NAV1: variants seen among roughly 807,000 people sequenced by gnomAD.
The protein encoded by NAV1 is pore membrane and/or filament interacting like protein 3.
Under a neutral mutation model 175.2 loss-of-function variants are expected in NAV1, and 18 were observed. The ratio of observed to expected loss-of-function variants is 0.10; its 90% CI spans 0.07 to 0.15. The LOEUF (loss-of-function observed/expected upper bound fraction) is 0.15. Among genes scored for constraint, NAV1 ranks in the 10% least tolerant of loss-of-function variants. The probability of loss-of-function intolerance (pLI) is 1.00; values close to 1 mark genes in which losing one functional copy is unlikely to be tolerated. For synonymous variants in NAV1, 897 were observed against 978.7 expected (o/e 0.92, Z 1.56); for missense variants, 1,731 against 2,436.6 (o/e 0.71, Z 6.10).
intron 15 of NAV1, among the ~76,000 whole-genome samples, chr1:201,799,316 T>C (rs2102773501): frequency 6.6e-6 from 1 of 152,320 alleles, no homozygotes; most frequent in East Asian, 1.9e-4. Flanking sequence ...AATGAATGAA[T>C]TGTGCTTTTT....
intron 2 of NAV1, among the ~76,000 whole-genome samples, chr1:201,636,459 A>G (rs962277965): frequency 6.6e-6 from 1 of 152,022 alleles, no homozygotes; most frequent in African/African-American, 2.4e-5. Context: ...GCTGAGAATT[A>G]CCCCAGCCAC....
intron 1 of NAV1, among the ~76,000 whole-genome samples, chr1:201,654,909 G>A (rs1178161871): frequency 1.3e-5 from 2 of 152,166 alleles, no homozygotes; most frequent in African/African-American, 4.8e-5. Context: ...CTTTGATTCT[G>A]TCTTCTGAGA....
chr1:201,703,884 C>T (rs1047683062), intron 1 of NAV1, among the ~76,000 whole-genome samples: 20 of 152,238 alleles, frequency 1.3e-4, no homozygotes, highest in Admixed American at 1.2e-3. Context: ...CCCAGCTCAT[C>T]AGGCAGCTCC....
chr1:201,616,589 G>A (rs1180212754), intron 2 of NAV1, among the ~76,000 whole-genome samples: 3 of 152,104 alleles, frequency 2.0e-5, no homozygotes, highest in Admixed American at 1.3e-4. Flanking sequence ...CCAGGTTCAA[G>A]CGATTCTCCT....
chr1:201,639,783 A>G (rs779969513), intron 2 of NAV1, among the ~76,000 whole-genome samples: 9 of 152,020 alleles, frequency 5.9e-5, no homozygotes, highest in Non-Finnish European at 1.0e-4. Context: ...CCCCGTCCCC[A>G]TCCCAGCTTG....
At chr1:201,743,526 G>T (rs1673566978) in intron 3 of NAV1, among the ~76,000 whole-genome samples, 1 of 152,174 alleles carries the variant, frequency 6.6e-6, no homozygotes, top group Non-Finnish European at 1.5e-5. Flanking sequence ...ACCTTACTGG[G>T]ATGTAATGAC....
intron 17 of NAV1, 74 bp downstream of exon 21, chr1:201,804,571 C>T (rs1678156854): frequency 1.8e-6 from 2 of 1,086,920 alleles, no homozygotes; most frequent in Admixed American, 2.9e-5. Flanking sequence ...AGAGCAACTC[C>T]CTTCCCCTAA....
chr1:201,633,517 G>T (rs1043797210), intron 2 of NAV1, among the ~76,000 whole-genome samples: 1 of 152,094 alleles, frequency 6.6e-6, no homozygotes, highest in African/African-American at 2.4e-5. Context: ...TCACTCAGTC[G>T]CACACTGTCC....
chr1:201,588,991 G>A (rs1160386906), intron 2 of NAV1, among the ~76,000 whole-genome samples: 1 of 151,966 alleles, frequency 6.6e-6, no homozygotes, highest in Non-Finnish European at 1.5e-5. Flanking sequence ...GGGACTACAG[G>A]CACACACCAC....
intron 3 of NAV1, among the ~76,000 whole-genome samples, chr1:201,735,092 G>A (rs890336600): frequency 6.6e-6 from 1 of 152,120 alleles, no homozygotes; most frequent in African/African-American, 2.4e-5. Context: ...TTAGGGCTGA[G>A]CTCTGGAACA....
chr1:201,638,026 T>C lies in NAV1; in HGVS notation c.4+8519T>C, dbSNP rs182539163. On this transcript the variant is annotated intron_variant, in intron 2 of 29. Transcript: ENST00000367302. ...GATCTGATTTTAAATGAGTACAGTT[T>C]CAGACAGAGTACCCTAGATTAGGTG... 1.2e-4 allele frequency among the ~76,000 whole-genome samples: 19 copies of C among 152,298 alleles called. No homozygotes were observed. The East Asian group carries it at 3.3e-3, about 26-fold the overall frequency.
At chr1:201,612,444 G>A (rs753970521) in intron 2 of NAV1, among the ~76,000 whole-genome samples, 6 of 152,210 alleles carry the variant, frequency 3.9e-5, no homozygotes, top group South Asian at 2.1e-4. Flanking sequence ...ACAGAGCTGC[G>A]ACTCTGTCTC....
intron 3 of NAV1, among the ~76,000 whole-genome samples, chr1:201,734,446 AGAAGAGGAGGAGGAGGAGGAG>A (rs1245920713): frequency 7.9e-6 from 1 of 126,024 alleles, no homozygotes; most frequent in Non-Finnish European, 1.8e-5. Flanking sequence ...AAGAAGAAGA[AGAAGAGGAGGAGGAGGAGGAG>A]GAAGAGGAGG....
chr1:201,610,812 G>A (rs1475741684), intron 2 of NAV1, among the ~76,000 whole-genome samples: 2 of 152,148 alleles, frequency 1.3e-5, no homozygotes, highest in African/African-American at 2.4e-5. Flanking sequence ...GAAGCTTAAC[G>A]ATCTGATCTT....
Position 201,812,517 on chromosome 1 carries a change from T to C in NAV1, c.5077T>C (p.Tyr1693His). The stretch of plus-strand genomic sequence containing the variant: ...GCCAGCCAATGGCTTCCTGGTTCGT[T>C]ACCTGAGGAGGAAGCTGGTAGAGTC... The change falls in exon 27 of 30, where the codon TAC becomes CAC. Residue 1693 changes from tyrosine (Y) to histidine (H), a missense_variant. Tyr to His is a moderately conservative substitution (Grantham distance 83, BLOSUM62 2). This residue lies in a region of NAV1 where 115 missense variants were observed against 269.4 expected (regional missense o/e 0.43). Transcript: ENST00000367296. This position sits in a 1 kb window ranked among gnomAD's most constrained non-coding sequence, Gnocchi z 4.6. 1 of 1,614,172 alleles carries C rather than the reference T, an allele frequency of 6.2e-7. No homozygotes were observed. Among genetic ancestry groups the C allele is most frequent in the Non-Finnish European group, 8.5e-7 (1 of 1,180,020 alleles).
In NAV1 at chr1:201,652,299, A is replaced by C. The variant is rs1669233568; in HGVS notation, c.757+2874A>C. Among the ~76,000 whole-genome samples the C allele has an allele frequency of 2.6e-5, 4 of 151,830 alleles. No individual in the cohort carries two copies. The South Asian group carries it at 8.3e-4, about 32-fold the overall frequency. On this transcript the variant is annotated intron_variant, in intron 1 of 29. Transcript: ENST00000367296. ...CAGCTTCAAGTCAGAGCCTTTCTGT[A>C]ATAAGAGGGAAGGACTGAAACCTGA... is the stretch of plus-strand genomic sequence containing the variant.
At chr1:201,781,533 G>T (rs932372388) in intron 5 of NAV1, among the ~76,000 whole-genome samples, 2 of 152,168 alleles carry the variant, frequency 1.3e-5, no homozygotes, top group African/African-American at 2.4e-5. Flanking sequence ...AGATTAAGTG[G>T]CTGGGCCAAA....
chr1:201,710,810 C>T (rs1671870868), intron 1 of NAV1, among the ~76,000 whole-genome samples: 1 of 152,138 alleles, frequency 6.6e-6, no homozygotes, highest in Non-Finnish European at 1.5e-5. Flanking sequence ...TGCAAGGATT[C>T]AAGTAGATAA....
intron 2 of NAV1, among the ~76,000 whole-genome samples, chr1:201,594,139 G>A (rs487787): frequency 0.046 from 6,925 of 151,398 alleles, 385 homozygotes; most frequent in East Asian, 0.16. Flanking sequence ...CTTCCACAGC[G>A]TGGAAGGGGA....
Sources: allele counts gnomAD v4.1 joint callset (sites outside exome capture counted in the v4.1 genomes callset), GRCh38; gene constraint gnomAD v4.1.1; regional missense constraint gnomAD v4.1.1; non-coding constraint Gnocchi (gnomAD v3.1); transcripts MANE v1.5; gene names NCBI Gene and HGNC (gene_info 2026-07-23, HGNC 2026-07-21).